The following SEMA3A variants were observed in gnomAD, a reference collection of about 807,000 sequenced individuals.
SEMA3A encodes semaphorin-3A.
In SEMA3A, 29 loss-of-function variants were observed where a neutral mutation model predicts 97.9. The observed-to-expected ratio is 0.30, with a 90% CI of 0.22 to 0.40. The LOEUF is 0.40. Ranked by LOEUF, SEMA3A falls within the 10% of genes least tolerant of loss-of-function variation. The pLI is 1.00. For synonymous variants in SEMA3A, 321 were observed against 323.7 expected (o/e 0.99, Z 0.09); for missense variants, 763 against 951.3 (o/e 0.80, Z 2.60).
Position 84,472,979 on chromosome 7 carries a change from C to T in SEMA3A, c.-246+19481G>A, listed in dbSNP as rs183622897. Among the ~76,000 whole-genome samples, 1,147 of 152,156 alleles carry T rather than the reference C, an allele frequency of 7.5e-3. 6 individuals carry two copies. Among genetic ancestry groups the T allele is most frequent in the Admixed American group, 0.012 (180 of 15,270 alleles). The stretch of plus-strand genomic sequence containing the variant: ...GGCATTAAAAACGGTACTGTATATT[C>T]GGTGTTCCAAAACTTGATTTTGGAA... On this transcript the variant is annotated intron_variant, in intron 1 of 3. Transcript: ENST00000424555.
chr7:84,031,785 G>A (rs1459335885), intron 6 of SEMA3A, among the ~76,000 whole-genome samples: 6 of 152,014 alleles, frequency 3.9e-5, no homozygotes, highest in Admixed American at 3.3e-4. Flanking sequence ...GTGGTGAGCC[G>A]AGATTGCGCC....
chr7:84,003,217 T>C lies in SEMA3A; in HGVS notation c.1361-1171A>G, dbSNP rs986615857. ...CCTTGTAAAGTTAAACCAAAAAAAG[T>C]ACACTTTTAAGAAGACCCTTCTGTA... On this transcript the variant is annotated intron_variant, in intron 11 of 16. Coordinates refer to ENST00000265362, the MANE Select transcript of SEMA3A (RefSeq NM_006080.3). Among the ~76,000 whole-genome samples, 5 of 152,062 alleles carry C rather than the reference T, an allele frequency of 3.3e-5. No individual in the cohort carries two copies. The South Asian group carries it at 8.3e-4, about 25-fold the overall frequency.
At chr7:84,368,347 A>G (rs1802900258) in intron 2 of SEMA3A, among the ~76,000 whole-genome samples, 1 of 151,136 alleles carries the variant, frequency 6.6e-6, no homozygotes, top group Admixed American at 6.6e-5. Flanking sequence ...CCACTTATGG[A>G]TATAAATCAT....
At chr7:84,475,828 A>G (rs1806267443) in intron 1 of SEMA3A, among the ~76,000 whole-genome samples, 2 of 152,042 alleles carry the variant, frequency 1.3e-5, no homozygotes, top group African/African-American at 2.4e-5. Context: ...AATAGTCTCA[A>G]CCTTTGCAGT....
chr7:84,152,836 C>G (rs931758034), intron 1 of SEMA3A, among the ~76,000 whole-genome samples: 3 of 151,772 alleles, frequency 2.0e-5, no homozygotes, highest in Non-Finnish European at 4.4e-5. Flanking sequence ...TTATGTAAAG[C>G]AGGCATTTGT....
chr7:84,354,242 A>G (rs73386956), intron 2 of SEMA3A, among the ~76,000 whole-genome samples: 1,626 of 151,744 alleles, frequency 0.011, 32 homozygotes, highest in African/African-American at 0.037. Context: ...CTTGATCTAC[A>G]CAGTTAAGAT....
chr7:84,130,770 C>T (rs571804351), intron 2 of SEMA3A, among the ~76,000 whole-genome samples: 118 of 150,856 alleles, frequency 7.8e-4, no homozygotes, highest in South Asian at 5.5e-3. Context: ...TTCTCTAGGG[C>T]ATAACAATAA....
chr7:84,384,035 T>A (rs1352424906), intron 1 of SEMA3A, among the ~76,000 whole-genome samples: 2 of 152,212 alleles, frequency 1.3e-5, no homozygotes, highest in African/African-American at 4.8e-5. Flanking sequence ...ACCTCATTAA[T>A]CATTTGTTGG....
chr7:84,279,577 T>C (rs920390285), intron 3 of SEMA3A, among the ~76,000 whole-genome samples: 6 of 152,180 alleles, frequency 3.9e-5, no homozygotes, highest in Non-Finnish European at 8.8e-5. Context: ...GTTGGAGTAA[T>C]TGCCTGGGAC....
At chr7:84,128,068 A>G (rs1343081762) in intron 3 of SEMA3A, among the ~76,000 whole-genome samples, 1 of 152,116 alleles carries the variant, frequency 6.6e-6, no homozygotes, top group Non-Finnish European at 1.5e-5. Flanking sequence ...TATTCCTCAA[A>G]CCAGTCACCC....
At chr7:84,130,563 A>G (rs1035980060) in intron 2 of SEMA3A, among the ~76,000 whole-genome samples, 1 of 152,138 alleles carries the variant, frequency 6.6e-6, no homozygotes, top group Non-Finnish European at 1.5e-5. Flanking sequence ...AGGCTTTTAC[A>G]AAGTAGTCAC....
chr7:84,311,430 C>T (rs1314768997), intron 2 of SEMA3A, among the ~76,000 whole-genome samples: 1 of 151,908 alleles, frequency 6.6e-6, no homozygotes, highest in Non-Finnish European at 1.5e-5. Flanking sequence ...TAAGTTAGTA[C>T]ACTGTAGTAT....
intron 1 of SEMA3A, among the ~76,000 whole-genome samples, chr7:84,147,259 T>C (rs946070503): frequency 1.5e-4 from 23 of 152,188 alleles, no homozygotes; most frequent in African/African-American, 5.5e-4. Context: ...TAAAACTACT[T>C]AAGAATGATT....
chr7:84,149,280 C>G (rs1399847634), intron 1 of SEMA3A, among the ~76,000 whole-genome samples: 1 of 152,142 alleles, frequency 6.6e-6, no homozygotes, highest in African/African-American at 2.4e-5. Context: ...AGATTAAATT[C>G]TTCCATTTTG....
intron 1 of SEMA3A, among the ~76,000 whole-genome samples, chr7:84,451,319 T>C (rs868630027): frequency 3.0e-4 from 45 of 152,312 alleles, no homozygotes; most frequent in African/African-American, 8.9e-4. Context: ...CCTTCCCCCT[T>C]GGGTCATATT....
At position 84,117,276 on chromosome 7, in the gene SEMA3A, TGTA is replaced by T. The variant is rs528873377; in HGVS notation, c.334-6690_334-6688del. On this transcript the variant is annotated intron_variant, in intron 3 of 16. Transcript: ENST00000265362. The stretch of plus-strand genomic sequence containing the variant: ...TTAAATTTATTTATGTTTAGTGATA[TGTA>T]GTAAAGATGTTACTTATTGAAGGAT... Among the ~76,000 whole-genome samples, 469 of 152,312 alleles carry T rather than the reference TGTA, an allele frequency of 3.1e-3. 5 individuals are homozygous for T. The highest frequency in any genetic ancestry group is 0.011 in the African/African-American group (448 of 41,578).
At chr7:84,366,763 T>C (rs1802857807) in intron 2 of SEMA3A, among the ~76,000 whole-genome samples, 1 of 151,290 alleles carries the variant, frequency 6.6e-6, no homozygotes, top group African/African-American at 2.4e-5. Context: ...GCAACAAAAA[T>C]CCACATGTCA....
chr7:84,362,749 G>A (rs1439740474), intron 2 of SEMA3A, among the ~76,000 whole-genome samples: 1 of 151,956 alleles, frequency 6.6e-6, no homozygotes, highest in Non-Finnish European at 1.5e-5. Flanking sequence ...ATTTTCTAAT[G>A]TTAAGGATGT....
rs750231698 is a variant in SEMA3A, at chr7:84,060,501, A to G, written c.511T>C (p.Tyr171His). The change falls in exon 5 of 17, where the codon TAT becomes CAT. Residue 171 changes from tyrosine to histidine, a missense_variant. By Grantham distance (83) the Tyr-to-His change is moderately conservative. Coordinates refer to ENST00000265362, the MANE Select transcript of SEMA3A (RefSeq NM_006080.3). ...GATGCTGTCAGCAGCTTAGGGTCAT[A>G]TGGACTCTTCCCACGGCCGTTTTCA... ...HFENGRGKSP[Y>H]DPKLLTASLL... 6.3e-7 allele frequency: 1 copy of G among 1,597,018 alleles called. No individual in the cohort carries two copies. Among genetic ancestry groups the G allele is most frequent in the South Asian group, 1.1e-5 (1 of 87,334 alleles).
Sources: gnomAD v4.1 joint callset for allele counts (sites outside exome capture counted in the v4.1 genomes callset) on GRCh38, gnomAD v4.1.1 for gene constraint, MANE v1.5 for transcripts, NCBI Gene and HGNC (gene_info 2026-07-23, HGNC 2026-07-21) for gene names.